SEC24D: variants seen among roughly 807,000 people sequenced by gnomAD.
The protein encoded by SEC24D is protein transport protein Sec24D.
In SEC24D, 69 loss-of-function variants were observed where a neutral mutation model predicts 116.9. The observed-to-expected ratio is 0.59, with a 90% CI of 0.49 to 0.72. The LOEUF (loss-of-function observed/expected upper bound fraction) is 0.72, where lower values mean the gene tolerates loss of function less well. Among genes scored for constraint, SEC24D ranks in the 30% least tolerant of loss-of-function variants. The pLI, the probability that SEC24D is intolerant of heterozygous loss-of-function variation, is 0.00. For synonymous variants in SEC24D, 405 were observed against 442.8 expected (o/e 0.91, Z 1.07); for missense variants, 1,131 against 1,264.1 (o/e 0.89, Z 1.60).
At chr4:118,778,166 C>T (rs1728236315) in intron 8 of SEC24D, among the ~76,000 whole-genome samples, 1 of 152,316 alleles carries the variant, frequency 6.6e-6, no homozygotes, top group Non-Finnish European at 1.5e-5. Flanking sequence ...GTGTTTTAGA[C>T]ATGAAGTCCT....
chr4:118,725,439 G>A (rs1415588886), intron 22 of SEC24D, among the ~76,000 whole-genome samples: 6 of 152,134 alleles, frequency 3.9e-5, no homozygotes, highest in African/African-American at 1.4e-4. Context: ...TGATTGGTAG[G>A]GGCAGTGTGG....
intron 20 of SEC24D, 140 bp downstream of exon 20, chr4:118,732,593 C>T: frequency 1.3e-6 from 1 of 790,836 alleles, no homozygotes; most frequent in Non-Finnish European, 2.0e-6. Context: ...CTCGAAATCC[C>T]ACACCATATA....
intron 19 of SEC24D, among the ~76,000 whole-genome samples, chr4:118,736,765 T>C (rs17323606): frequency 1.3e-5 from 2 of 152,126 alleles, no homozygotes; most frequent in African/African-American, 4.8e-5. Context: ...AAAGTGCTAA[T>C]GGAAAAACCT....
chr4:118,740,280 G>A (rs2110440105), intron 17 of SEC24D, among the ~76,000 whole-genome samples: 1 of 152,258 alleles, frequency 6.6e-6, no homozygotes, highest in East Asian at 1.9e-4. Flanking sequence ...ATAAATTTCT[G>A]TTGTTTAAGC....
At chr4:118,815,242 G>A in intron 5 of SEC24D, 87 bp from the exon 6 acceptor site, 3 of 1,493,804 alleles carry the variant, frequency 2.0e-6, no homozygotes, top group South Asian at 2.5e-5. Context: ...GTTCAGTCAA[G>A]CATGTTGTAT....
intron 8 of SEC24D, among the ~76,000 whole-genome samples, chr4:118,795,313 A>G (rs142935607): frequency 0.01 from 1,552 of 151,676 alleles, 24 homozygotes; most frequent in African/African-American, 0.035. Flanking sequence ...GGTTCAAGCA[A>G]TTCTCCTGCC....
At chr4:118,732,064 A>G (rs879463153) in intron 20 of SEC24D, among the ~76,000 whole-genome samples, 4 of 152,152 alleles carry the variant, frequency 2.6e-5, no homozygotes, top group Admixed American at 1.3e-4. Context: ...GGCACACAGC[A>G]CTGGGCCAGG....
chr4:118,757,569 A>C, intron 11 of SEC24D, 152 bp downstream of exon 11: 2 of 610,996 alleles, frequency 3.3e-6, no homozygotes, highest in East Asian at 3.1e-5. Flanking sequence ...CTTTCTAAGG[A>C]CTCAAAACAA....
chr4:118,802,185 G>A (rs1210664871), intron 7 of SEC24D, among the ~76,000 whole-genome samples: 1 of 152,210 alleles, frequency 6.6e-6, no homozygotes, highest in Admixed American at 6.5e-5. Flanking sequence ...CACGAAGGAT[G>A]AGGTGCTTGA....
At chr4:118,786,833 A>G (rs1163541976) in intron 8 of SEC24D, among the ~76,000 whole-genome samples, 1 of 152,190 alleles carries the variant, frequency 6.6e-6, no homozygotes. Context: ...AAGGAAGGTC[A>G]TCAAACCCAC....
rs531379175 is a variant in SEC24D at position 118,739,065 on chromosome 4, A to C, written c.2377+84T>G. 1.6e-4 allele frequency: 225 copies of C among 1,413,288 alleles called. 3 individuals carry two copies. In the South Asian group the frequency reaches 2.5e-3, roughly 16 times the overall value. The allele number at this position is 1,413,288 out of a possible 1,614,324, so 87.5% of individuals were successfully genotyped here. On this transcript the variant is annotated intron_variant, in intron 18 of 22. Coordinates refer to ENST00000280551, the MANE Select transcript of SEC24D (RefSeq NM_014822.4). ...AATTTACCCACCATAAGGTTGCAAA[A>C]CTACAGTGCTTTTTAGCTACTGACA...
chr4:118,768,148 A>G, intron 9 of SEC24D, 25 bp downstream of exon 9: 1 of 1,596,070 alleles, frequency 6.3e-7, no homozygotes, highest in Middle Eastern at 1.7e-4. Flanking sequence ...GAATTTCACA[A>G]AGAGCTTTTA....
intron 2 of SEC24D, among the ~76,000 whole-genome samples, chr4:118,829,603 G>A (rs1046489790): frequency 1.5e-4 from 23 of 152,016 alleles, no homozygotes; most frequent in Non-Finnish European, 2.6e-4. Flanking sequence ...ACCTGAGGTC[G>A]GGAGTTTGAG....
intron 6 of SEC24D, among the ~76,000 whole-genome samples, chr4:118,813,671 C>A (rs1730015542): frequency 6.6e-6 from 1 of 152,264 alleles, no homozygotes; most frequent in Admixed American, 6.5e-5. Flanking sequence ...CACTGCCACA[C>A]TGGAGATTAA....
At chr4:118,832,830 G>A (rs1262755466) in intron 2 of SEC24D, among the ~76,000 whole-genome samples, 1 of 152,152 alleles carries the variant, frequency 6.6e-6, no homozygotes, top group Admixed American at 6.5e-5. Context: ...AAACTGAAGG[G>A]GTTAATGGTT....
intron 13 of SEC24D, among the ~76,000 whole-genome samples, chr4:118,745,388 A>G (rs1726466853): frequency 6.6e-6 from 1 of 152,244 alleles, no homozygotes; most frequent in Non-Finnish European, 1.5e-5. Flanking sequence ...TTTAGCCTAC[A>G]GTATAGTCTT....
chr4:118,752,205 C>T, intron 12 of SEC24D, 116 bp from the exon 13 acceptor site: 1 of 658,364 alleles, frequency 1.5e-6, no homozygotes, highest in Non-Finnish European at 2.6e-6. Flanking sequence ...TTGACACCAA[C>T]ACCTATAGGT....
At chr4:118,789,228 A>T (rs1343555687) in intron 8 of SEC24D, among the ~76,000 whole-genome samples, 1 of 152,240 alleles carries the variant, frequency 6.6e-6, no homozygotes, top group Admixed American at 6.5e-5. Context: ...CTATTACATA[A>T]GCTGCTATCT....
At chr4:118,750,656 G>C (rs1273265544) in intron 13 of SEC24D, among the ~76,000 whole-genome samples, 1 of 152,144 alleles carries the variant, frequency 6.6e-6, no homozygotes, top group Non-Finnish European at 1.5e-5. Flanking sequence ...TACCTTATTG[G>C]AGGAGAGAAG....
Sources: gnomAD v4.1 joint callset for allele counts (sites outside exome capture counted in the v4.1 genomes callset) on GRCh38, gnomAD v4.1.1 for gene constraint, MANE v1.5 for transcripts, NCBI Gene and HGNC (gene_info 2026-07-23, HGNC 2026-07-21) for gene names.